Variants in UNC5B observed in about 807,000 individuals in gnomAD.
The protein encoded by UNC5B is unc-5 netrin receptor B.
UNC5B carries 56 observed loss-of-function variants against 103.7 expected under a neutral mutation model. The ratio of observed to expected loss-of-function variants is 0.54; its 90% CI spans 0.44 to 0.67. The LOEUF is 0.67. UNC5B is among the 30% of genes least tolerant of loss of function. UNC5B has a pLI of 0.00. For missense variants in UNC5B, 1,194 were observed against 1,284.5 expected, an observed-to-expected ratio of 0.93 and a Z score of 1.08; for synonymous variants, 577 against 542.0, an observed-to-expected ratio of 1.06 and a Z score of -0.90.
At chr10:71,248,088 C>T (rs1276482636) in intron 1 of UNC5B, among the ~76,000 whole-genome samples, 2 of 152,146 alleles carry the variant, frequency 1.3e-5, no homozygotes, top group Non-Finnish European at 2.9e-5. Context: ...CCTTTCCAGG[C>T]TTGTGGTATC....
At chr10:71,235,239 C>T (rs1345051648) in intron 1 of UNC5B, among the ~76,000 whole-genome samples, 1 of 152,206 alleles carries the variant, frequency 6.6e-6, no homozygotes, top group African/African-American at 2.4e-5. Flanking sequence ...GGGGAGCCAC[C>T]AGGGAAGGGG....
At chr10:71,268,077 T>G (rs1844560729) in intron 1 of UNC5B, among the ~76,000 whole-genome samples, 1 of 152,246 alleles carries the variant, frequency 6.6e-6, no homozygotes, top group Non-Finnish European at 1.5e-5. Flanking sequence ...CAGAGATGGC[T>G]GCCTTCCTCC....
intron 1 of UNC5B, among the ~76,000 whole-genome samples, chr10:71,222,720 C>T (rs1843476387): frequency 6.6e-6 from 1 of 152,198 alleles, no homozygotes; most frequent in African/African-American, 2.4e-5. Flanking sequence ...TGGGCCTGCC[C>T]TGACCCAGGA....
chr10:71,221,063 T>A (rs2132237596), intron 1 of UNC5B, among the ~76,000 whole-genome samples: 1 of 152,250 alleles, frequency 6.6e-6, no homozygotes, highest in East Asian at 1.9e-4. Context: ...GTAGCCGAGG[T>A]CCAGAACCAC....
chr10:71,243,612 A>G (rs1678501322), intron 1 of UNC5B, among the ~76,000 whole-genome samples: 2 of 152,212 alleles, frequency 1.3e-5, no homozygotes, highest in South Asian at 4.1e-4. Flanking sequence ...AGCCAGGGTT[A>G]GTTCCCTTCC....
At chr10:71,286,250 C>T (rs866413398) in intron 4 of UNC5B, among the ~76,000 whole-genome samples, 2 of 152,164 alleles carry the variant, frequency 1.3e-5, no homozygotes, top group Admixed American at 6.5e-5. Flanking sequence ...CTGCCAGACC[C>T]GGGGACCTTC....
At position 71,228,812 on chromosome 10, in the gene UNC5B, G is replaced by A. The variant is rs192782334; in HGVS notation, c.79+15748G>A. Among the ~76,000 whole-genome samples, 42 of 152,326 alleles carry A rather than the reference G, an allele frequency of 2.8e-4. 1 individual carries two copies. The highest frequency in any genetic ancestry group is 1.0e-3 in the African/African-American group (42 of 41,582). On this transcript the variant is annotated intron_variant, in intron 1 of 16. Transcript: ENST00000335350. ...ATTGTCTCACTCAGTCCTTGCGATGGCTCTGGGAGGAAGGTCTTAGCAGAA... is the reference window on the plus strand; with the variant it reads ...ATTGTCTCACTCAGTCCTTGCGATGACTCTGGGAGGAAGGTCTTAGCAGAA...
chr10:71,235,063 A>G (rs1041054735), intron 1 of UNC5B, among the ~76,000 whole-genome samples: 62 of 151,940 alleles, frequency 4.1e-4, no homozygotes, highest in African/African-American at 1.5e-3. Flanking sequence ...CCGGGCCCCT[A>G]TTGCAGGACT....
chr10:71,286,584 C>T (rs1308760033), intron 4 of UNC5B, 105 bp from the exon 5 acceptor site: 11 of 1,425,562 alleles, frequency 7.7e-6, no homozygotes, highest in Non-Finnish European at 1.1e-5. Context: ...AAGGCCCTGC[C>T]TCACTGCCAC....
At chr10:71,224,105 A>C (rs1293458537) in intron 1 of UNC5B, among the ~76,000 whole-genome samples, 1 of 152,216 alleles carries the variant, frequency 6.6e-6, no homozygotes, top group Non-Finnish European at 1.5e-5. Flanking sequence ...TCCCTGCCAG[A>C]GGCTGATCTG....
intron 1 of UNC5B, among the ~76,000 whole-genome samples, chr10:71,269,821 G>A (rs1844603477): frequency 6.6e-6 from 1 of 152,216 alleles, no homozygotes; most frequent in African/African-American, 2.4e-5. Context: ...TGGGGAGATA[G>A]CACAGGGAGG....
Position 71,300,988 on chromosome 10 carries a change from G to A in UNC5B, c.*1711G>A, listed in dbSNP as rs1436095177. 1 of 152,422 alleles carries A rather than the reference G, an allele frequency of 6.6e-6. No individual in the cohort carries two copies. The highest frequency in any genetic ancestry group is 1.5e-5 in the Non-Finnish European group (1 of 68,202). 9.4% of individuals were successfully genotyped at this position (152,422 alleles called of 1,614,324 possible). A position where few individuals can be genotyped will look rare whatever the true frequency, so the allele number is the denominator to read the frequency against. Reference sequence around the variant, plus strand: ...AGGGGCCCTGCATGGCACGGGATGAGTCCCTGCCCTGTGCAGCTGCCTGGC... The same window carrying A: ...AGGGGCCCTGCATGGCACGGGATGAATCCCTGCCCTGTGCAGCTGCCTGGC... On this transcript the variant is annotated 3_prime_UTR_variant, in exon 17 of 17. Coordinates refer to ENST00000335350, the MANE Select transcript of UNC5B (RefSeq NM_170744.5).
At chr10:71,291,885 C>G in intron 10 of UNC5B, 64 bp downstream of exon 10, 1 of 1,514,220 alleles carries the variant, frequency 6.6e-7, no homozygotes, top group Non-Finnish European at 8.8e-7. Context: ...ACTGCCCCAA[C>G]ACCCATCCAG....
intron 15 of UNC5B, 140 bp downstream of exon 15, chr10:71,296,882 C>T (rs1300155654): frequency 1.8e-6 from 1 of 548,244 alleles, no homozygotes; most frequent in East Asian, 3.1e-5. Context: ...CTGCACACCA[C>T]GCTGGCGGAG....
chr10:71,254,443 G>A (rs921737715), intron 1 of UNC5B, among the ~76,000 whole-genome samples: 1 of 152,242 alleles, frequency 6.6e-6, no homozygotes. Flanking sequence ...GCCAGAGGAA[G>A]CCTCTGGATA....
At chr10:71,297,372 T>A (rs1193203757) in intron 15 of UNC5B, among the ~76,000 whole-genome samples, 1 of 152,272 alleles carries the variant, frequency 6.6e-6, no homozygotes, top group Non-Finnish European at 1.5e-5. Flanking sequence ...GTGGCAAGAC[T>A]GGATTCGAAC....
chr10:71,270,058 T>C (rs1364722440), intron 1 of UNC5B, among the ~76,000 whole-genome samples: 1 of 151,896 alleles, frequency 6.6e-6, no homozygotes, highest in Non-Finnish European at 1.5e-5. Context: ...CAGTGAAAGA[T>C]AGGTGAGTTG....
intron 1 of UNC5B, among the ~76,000 whole-genome samples, chr10:71,256,294 C>T (rs1844288939): frequency 6.6e-6 from 1 of 152,206 alleles, no homozygotes; most frequent in Non-Finnish European, 1.5e-5. Flanking sequence ...GCCCCAGCTC[C>T]TCCAGGAAGG....
chr10:71,271,362 TATC>T (rs1473753518), intron 1 of UNC5B, among the ~76,000 whole-genome samples: 2 of 152,234 alleles, frequency 1.3e-5, no homozygotes, highest in East Asian at 3.9e-4. Context: ...ATATGCTTAT[TATC>T]TGCAGGAGCA....
Sources: gnomAD v4.1 joint callset for allele counts (sites outside exome capture counted in the v4.1 genomes callset) on GRCh38, gnomAD v4.1.1 for gene constraint, MANE v1.5 for transcripts, NCBI Gene and HGNC (gene_info 2026-07-23, HGNC 2026-07-21) for gene names.